Variants in GSAP observed in about 807,000 individuals in gnomAD.
GSAP encodes the protein gamma-secretase-activating protein.
GSAP carries 118 observed loss-of-function variants against 131.7 expected under a neutral mutation model. The ratio of observed to expected loss-of-function variants is 0.90; its 90% CI spans 0.77 to 1.04. GSAP has a LOEUF of 1.04. GSAP is among the 50% of genes least tolerant of loss of function. The pLI, the probability that GSAP is intolerant of heterozygous loss-of-function variation, is 0.00. For synonymous variants in GSAP, 381 were observed against 363.4 expected (o/e 1.05, Z -0.55); for missense variants, 1,019 against 1,013.2 (o/e 1.01, Z -0.08).
intron 26 of GSAP, 152 bp downstream of exon 26, chr7:77,320,573 C>A: frequency 1.6e-6 from 1 of 611,476 alleles, no homozygotes; most frequent in Non-Finnish European, 2.9e-6. Flanking sequence ...TCAGCAGAGA[C>A]CAACCTAAGG....
chr7:77,328,577 A>C (rs771340921), intron 22 of GSAP, 29 bp downstream of exon 22: 1 of 1,602,962 alleles, frequency 6.2e-7, no homozygotes, highest in Non-Finnish European at 8.5e-7. Context: ...ACTGGAACCC[A>C]GAAGGCTTTA....
intron 1 of GSAP, among the ~76,000 whole-genome samples, chr7:77,414,010 T>G (rs773739581): frequency 7.9e-5 from 12 of 152,210 alleles, no homozygotes; most frequent in Non-Finnish European, 1.6e-4. Context: ...TAACCAAATC[T>G]GTTCTCCTTC....
intron 8 of GSAP, among the ~76,000 whole-genome samples, chr7:77,380,381 C>T (rs1183351500): frequency 5.3e-5 from 8 of 152,064 alleles, no homozygotes; most frequent in Admixed American, 2.0e-4. Flanking sequence ...ATGTACCCAT[C>T]GAACAATCCA....
intron 3 of GSAP, among the ~76,000 whole-genome samples, chr7:77,402,833 T>C (rs1583896596): frequency 6.6e-6 from 1 of 152,112 alleles, no homozygotes; most frequent in Admixed American, 6.5e-5. Flanking sequence ...ATTTATCCTT[T>C]GGCCAATTTA....
rs1179551829 is a variant in GSAP at position 77,359,267 on chromosome 7, C to T, written c.1027+1557G>A. ...AAAGACACTGAGGTAAGCCTAAGCA[C>T]AGAGCTCACTCTTTCTGAGCCTCAG... On this transcript the variant is annotated intron_variant, in intron 14 of 30. Transcript: ENST00000257626. Among the ~76,000 whole-genome samples the T allele has an allele frequency of 4.6e-5, 7 of 151,898 alleles. No individual in the cohort carries two copies. In the South Asian group the frequency reaches 8.3e-4, roughly 18 times the overall value.
intron 23 of GSAP, 46 bp downstream of exon 23, chr7:77,326,166 A>C (rs764215742): frequency 7.3e-6 from 9 of 1,234,582 alleles, no homozygotes; most frequent in African/African-American, 1.5e-5. Flanking sequence ...CCCTTGTCTT[A>C]GGGTTCCTTG....
intron 5 of GSAP, among the ~76,000 whole-genome samples, chr7:77,390,632 C>G (rs1366993209): frequency 6.6e-6 from 1 of 151,980 alleles, no homozygotes; most frequent in Non-Finnish European, 1.5e-5. Context: ...CTGTTCTGTT[C>G]CATTGGTATA....
chr7:77,372,697 CT>C (rs1796310867), intron 12 of GSAP, among the ~76,000 whole-genome samples: 1 of 152,174 alleles, frequency 6.6e-6, no homozygotes, highest in African/African-American at 2.4e-5. Flanking sequence ...CATTTTTGAA[CT>C]TTACAGCGAG....
chr7:77,352,017 G>A (rs2150845963), intron 18 of GSAP, among the ~76,000 whole-genome samples: 1 of 152,278 alleles, frequency 6.6e-6, no homozygotes, highest in Non-Finnish European at 1.5e-5. Flanking sequence ...AAATTCTAAG[G>A]TGGGGCATAA....
chr7:77,321,985 G>A (rs1758914634), intron 24 of GSAP, among the ~76,000 whole-genome samples: 2 of 152,186 alleles, frequency 1.3e-5, no homozygotes, highest in African/African-American at 4.8e-5. Flanking sequence ...AACCAAAGTA[G>A]GTAGCCTTCT....
At chr7:77,341,802 CAAT>C (rs1174178127) in intron 19 of GSAP, among the ~76,000 whole-genome samples, 2 of 152,104 alleles carry the variant, frequency 1.3e-5, no homozygotes, top group African/African-American at 4.8e-5. Flanking sequence ...TCAAGATGTA[CAAT>C]AATAGAGTAG....
intron 9 of GSAP, 67 bp from the exon 10 acceptor site, chr7:77,376,974 C>G: frequency 2.4e-6 from 2 of 822,044 alleles, no homozygotes; most frequent in Non-Finnish European, 2.0e-6. Flanking sequence ...AGTCAAGAAG[C>G]AAAACTTCAC....
At chr7:77,401,911 C>T (rs1168425005) in intron 3 of GSAP, among the ~76,000 whole-genome samples, 4 of 151,560 alleles carry the variant, frequency 2.6e-5, no homozygotes, top group East Asian at 3.9e-4. Context: ...AACTCTTTCT[C>T]GATTGCAGTG....
intron 16 of GSAP, among the ~76,000 whole-genome samples, chr7:77,354,562 G>T (rs563010214): frequency 6.6e-6 from 1 of 152,262 alleles, no homozygotes; most frequent in South Asian, 2.1e-4. Context: ...GTGCTTTTAT[G>T]CATGAAAAAT....
intron 19 of GSAP, among the ~76,000 whole-genome samples, chr7:77,340,070 C>T (rs1342264783): frequency 9.2e-5 from 14 of 152,176 alleles, no homozygotes; most frequent in Admixed American, 8.5e-4. Flanking sequence ...TGATGACATT[C>T]CACCATTGTG....
Position 77,349,419 on chromosome 7 carries a change from A to AAC in GSAP, c.1492-17_1492-16dup, listed in dbSNP as rs113296220. ...CCAGGAATTTCCTATAGTGGGGAAA[A>AAC]ACACACACACACAGCTGCTCAGTGT... is the stretch of plus-strand genomic sequence containing the variant. On this transcript the variant is annotated splice_polypyrimidine_tract_variant and intron_variant, in intron 18 of 30. Transcript: ENST00000257626. 3.1e-5 allele frequency: 50 copies of AAC among 1,605,538 alleles called. No homozygotes were observed. The highest frequency in any genetic ancestry group is 3.3e-4 in the Middle Eastern group (2 of 6,068).
intron 7 of GSAP, 43 bp from the exon 8 acceptor site, chr7:77,381,397 A>G: frequency 1.0e-6 from 1 of 1,000,144 alleles, no homozygotes; most frequent in Non-Finnish European, 1.5e-6. Flanking sequence ...CCTTAAGGAA[A>G]TATATGAGTA....
At chr7:77,323,572 C>T (rs1787935940) in intron 24 of GSAP, 75 bp downstream of exon 24, 2 of 678,202 alleles carry the variant, frequency 2.9e-6, no homozygotes, top group Admixed American at 2.8e-5. Context: ...AAATGGGTTC[C>T]CTGCACCACA....
rs1350193124 is a variant in GSAP at position 77,404,621 on chromosome 7, A to C, written c.187-6T>G. On this transcript the variant is annotated splice_region_variant and splice_polypyrimidine_tract_variant and intron_variant, in intron 2 of 30. Transcript: ENST00000257626. ...ACGACATTTCCCTTATCATCCTAAA[A>C]AAAATTAACCAGATGTTTATTAAAT... 1 of 1,485,932 alleles carries C rather than the reference A, an allele frequency of 6.7e-7. No individual in the cohort carries two copies. The highest frequency in any genetic ancestry group is 9.4e-7 in the Non-Finnish European group (1 of 1,068,600). 92.0% of individuals were successfully genotyped at this position (1,485,932 alleles called of 1,614,324 possible).
Sources: allele counts gnomAD v4.1 joint callset (sites outside exome capture counted in the v4.1 genomes callset), GRCh38; gene constraint gnomAD v4.1.1; transcripts MANE v1.5; gene names NCBI Gene and HGNC (gene_info 2026-07-23, HGNC 2026-07-21).